Variants in AATF observed in about 807,000 individuals in gnomAD.
AATF encodes the protein apoptosis antagonizing transcription factor, also known as protein AATF.
Under a neutral mutation model 63.7 loss-of-function variants are expected in AATF, and 48 were observed. The observed-to-expected ratio is 0.75, with a 90% confidence interval of 0.60 to 0.96. The LOEUF (loss-of-function observed/expected upper bound fraction) is 0.96. AATF is among the 40% of genes least tolerant of loss of function. The probability of loss-of-function intolerance (pLI) is 0.00; values close to 1 mark genes in which losing one functional copy is unlikely to be tolerated. For missense variants in AATF, 639 were observed against 685.7 expected (o/e 0.93, Z 0.76); for synonymous variants, 258 against 247.7 (o/e 1.04, Z -0.39).
chr17:36,999,639 G>A (rs1335830754), intron 8 of AATF, among the ~76,000 whole-genome samples: 1 of 152,194 alleles, frequency 6.6e-6, no homozygotes, highest in African/African-American at 2.4e-5. Flanking sequence ...GAACTACATT[G>A]TGACAAATGC....
Position 37,046,489 on chromosome 17 carries a change from G to C in AATF, c.1620-10112G>C, listed in dbSNP as rs145808365. 2.2e-3 allele frequency among the ~76,000 whole-genome samples: 338 copies of C among 152,228 alleles called. 1 individual carries two copies. Among genetic ancestry groups the C allele is most frequent in the African/African-American group, 7.7e-3 (321 of 41,512 alleles). Reference sequence around the variant, plus strand: ...AGGGCTTGCTCCCCAGGCCCCAGCGGTTCCTCTGTGTCCCCTGACTCGCAT... The same window carrying C: ...AGGGCTTGCTCCCCAGGCCCCAGCGCTTCCTCTGTGTCCCCTGACTCGCAT... On this transcript the variant is annotated intron_variant, in intron 11 of 11. Coordinates refer to ENST00000619387, the MANE Select transcript of AATF (RefSeq NM_012138.4).
chr17:37,038,031 C>T (rs2071607256), intron 11 of AATF, among the ~76,000 whole-genome samples: 1 of 152,200 alleles, frequency 6.6e-6, no homozygotes, highest in Non-Finnish European at 1.5e-5. Context: ...CTGGTTCATG[C>T]TTCCTGTACA....
rs1477141237 is a variant in AATF, at chr17:36,991,398, TAGA to T, written c.1398+544_1398+546del. ...TGCTTTTGAAGACAGAGAGAATTGG[TAGA>T]AGTTGAAATATAGTCCAGTTCTCAA... On this transcript the variant is annotated intron_variant, in intron 8 of 11. Coordinates refer to ENST00000619387, the MANE Select transcript of AATF (RefSeq NM_012138.4). Among the ~76,000 whole-genome samples, 20 of 152,300 alleles carry T rather than the reference TAGA, an allele frequency of 1.3e-4. No homozygotes were observed. In the South Asian group the frequency reaches 1.7e-3, roughly 13 times the overall value.
chr17:37,048,138 A>G (rs1475754383), intron 11 of AATF, among the ~76,000 whole-genome samples: 2 of 152,028 alleles, frequency 1.3e-5, no homozygotes, highest in African/African-American at 4.8e-5. Context: ...ATGAGATTTC[A>G]GGAGAGAAGC....
intron 4 of AATF, among the ~76,000 whole-genome samples, chr17:36,954,403 C>T (rs2070882984): frequency 6.6e-6 from 1 of 152,044 alleles, no homozygotes; most frequent in African/African-American, 2.4e-5. Context: ...CTTTAAAGCT[C>T]AGGGGACACT....
Position 36,949,005 on chromosome 17 carries a change from C to G in AATF, c.-121C>G. ...AGCTGTGGGGTGGCCTCCGCGCGGT[C>G]TCTGGCGGAGTCGGGGAATCGGATC... On this transcript the variant is annotated 5_prime_UTR_variant, in exon 1 of 12. Coordinates refer to ENST00000619387, the MANE Select transcript of AATF (RefSeq NM_012138.4). 2.0e-6 allele frequency: 2 copies of G among 980,170 alleles called. No individual in the cohort carries two copies. The highest frequency in any genetic ancestry group is 4.4e-5 in the Admixed American group (2 of 44,948). The allele number at this position is 980,170 out of a possible 1,614,324, so 60.7% of individuals were successfully genotyped here.
intron 10 of AATF, 170 bp downstream of exon 10, chr17:37,021,184 A>G (rs2071467302): frequency 1.9e-6 from 1 of 513,444 alleles, no homozygotes; most frequent in South Asian, 3.5e-5. Context: ...TTATTCTAAA[A>G]TGGAAATATA....
intron 11 of AATF, among the ~76,000 whole-genome samples, chr17:37,040,716 G>T (rs182475958): frequency 8.0e-4 from 49 of 61,386 alleles, no homozygotes; most frequent in African/African-American, 2.5e-3. Flanking sequence ...AAACTTATTT[G>T]GGGGGGGGAA....
chr17:37,010,833 C>T (rs1024755055), intron 8 of AATF, among the ~76,000 whole-genome samples: 78 of 152,280 alleles, frequency 5.1e-4, no homozygotes, highest in African/African-American at 1.8e-3. Context: ...GAGCATTTCA[C>T]GTACAGAATG....
At chr17:36,987,866 T>C (rs1169561291) in intron 5 of AATF, among the ~76,000 whole-genome samples, 2 of 152,246 alleles carry the variant, frequency 1.3e-5, no homozygotes, top group African/African-American at 4.8e-5. Flanking sequence ...CGTAGAAATA[T>C]GGTTATGTGT....
intron 8 of AATF, among the ~76,000 whole-genome samples, chr17:36,993,337 A>T (rs933388807): frequency 6.6e-6 from 1 of 151,786 alleles, no homozygotes; most frequent in African/African-American, 2.4e-5. Flanking sequence ...CTTGGGAGAG[A>T]TGATCTGTAA....
chr17:36,959,438 G>A (rs1031621585), intron 4 of AATF, among the ~76,000 whole-genome samples: 1 of 152,184 alleles, frequency 6.6e-6, no homozygotes, highest in African/African-American at 2.4e-5. Context: ...GCGAGAGTCT[G>A]TCTCAAGAAA....
At chr17:36,981,361 G>C (rs978545020) in intron 4 of AATF, among the ~76,000 whole-genome samples, 1 of 151,798 alleles carries the variant, frequency 6.6e-6, no homozygotes, top group Non-Finnish European at 1.5e-5. Flanking sequence ...GGTGGTTGTT[G>C]ATTTTATTTT....
At chr17:37,045,462 C>A (rs2071681735) in intron 11 of AATF, 2 of 152,320 alleles carry the variant, frequency 1.3e-5, no homozygotes, top group Admixed American at 1.3e-4. Flanking sequence ...GAGACACAGT[C>A]CTGTTCCGTT....
At chr17:37,043,791 C>T (rs1221145068) in intron 11 of AATF, among the ~76,000 whole-genome samples, 1 of 152,108 alleles carries the variant, frequency 6.6e-6, no homozygotes, top group African/African-American at 2.4e-5. Context: ...CCCTGGGAAG[C>T]CTTCTTTATG....
At chr17:36,971,527 C>A (rs975319529) in intron 4 of AATF, among the ~76,000 whole-genome samples, 7 of 152,152 alleles carry the variant, frequency 4.6e-5, no homozygotes, top group African/African-American at 1.4e-4. Context: ...TTAAATAAAG[C>A]TAAACATATA....
At chr17:36,949,318 G>A in intron 1 of AATF, 102 bp downstream of exon 1, 1 of 1,143,276 alleles carries the variant, frequency 8.7e-7, no homozygotes, top group Non-Finnish European at 1.2e-6. Context: ...CCGGGCCTGC[G>A]CTCCTTCGCT....
chr17:36,949,262 C>T lies in AATF; in HGVS notation c.91+46C>T, dbSNP rs768748273. The T allele has an allele frequency of 3.9e-6, 6 of 1,531,970 alleles. No individual in the cohort carries two copies. The East Asian group carries it at 1.2e-4, about 32-fold the overall frequency. 94.9% of individuals were successfully genotyped at this position (1,531,970 alleles called of 1,614,324 possible). ...GCCACGTGCGGAGCGGTGGGCCAGG[C>T]CCTGTGGGGCAAGGGGGCGGCGTGG... On this transcript the variant is annotated intron_variant, in intron 1 of 11. Coordinates refer to ENST00000619387, the MANE Select transcript of AATF (RefSeq NM_012138.4).
chr17:36,985,224 C>A (rs2142243242), intron 4 of AATF, among the ~76,000 whole-genome samples: 1 of 152,030 alleles, frequency 6.6e-6, no homozygotes, highest in African/African-American at 2.4e-5. Flanking sequence ...AGATTATAGG[C>A]ATAAGCACTG....
Sources: allele counts gnomAD v4.1 joint callset (sites outside exome capture counted in the v4.1 genomes callset), GRCh38; gene constraint gnomAD v4.1.1; transcripts MANE v1.5; gene names NCBI Gene and HGNC (gene_info 2026-07-23, HGNC 2026-07-21).